The following ANKRD16 variants were observed in gnomAD, a reference collection of about 807,000 sequenced individuals.
ANKRD16 encodes the protein ankyrin repeat domain 16, also known as ankyrin repeat domain-containing protein 16.
In ANKRD16, 35 loss-of-function variants were observed where a neutral mutation model predicts 37.9. The observed-to-expected ratio is 0.92, with a 90% CI of 0.71 to 1.23. The LOEUF is 1.23. Ranked by LOEUF, ANKRD16 falls within the 50% of genes most tolerant of loss-of-function variation. The probability of loss-of-function intolerance (pLI) is 0.00; values close to 1 mark genes in which losing one functional copy is unlikely to be tolerated. For missense variants in ANKRD16, 480 were observed against 469.9 expected (o/e 1.02, Z -0.20); for synonymous variants, 206 against 197.2 (o/e 1.04, Z -0.37).
rs1284077071 is a variant in ANKRD16 at position 5,871,107 on chromosome 10, C to A, written c.*33+6990G>T. Among the ~76,000 whole-genome samples, 1 of 152,202 alleles carries A rather than the reference C, an allele frequency of 6.6e-6. No homozygotes were observed. The highest frequency in any genetic ancestry group is 1.5e-5 in the Non-Finnish European group (1 of 68,044). ...TCTCAGTAAAAATCATGTCACGCAG[C>A]CAGGCTTGGTGGTTCACGCCTGTAA... On this transcript the variant is annotated intron_variant, in intron 7 of 7. Coordinates refer to ENST00000380094, the MANE Select transcript of ANKRD16 (RefSeq NM_019046.3). This position sits in a 1 kb window ranked among gnomAD's most constrained non-coding sequence, Gnocchi z 4.5.
intron 7 of ANKRD16, among the ~76,000 whole-genome samples, chr10:5,873,444 G>A (rs576733118): frequency 1.3e-5 from 2 of 152,280 alleles, no homozygotes; most frequent in African/African-American, 4.8e-5. Context: ...AAAGTGCTGG[G>A]ATTATAGGTA....
rs111947015 is a variant in ANKRD16 at position 5,866,642 on chromosome 10, C to T, written c.*34-3951G>A. ...ACAAGGAAATCATGGAGTTATTGCA[C>T]GCAGTGCAAAAACCCAAGGAGGTGG... On this transcript the variant is annotated intron_variant, in intron 7 of 7. Transcript: ENST00000380094. This position sits in a 1 kb window ranked among gnomAD's most constrained non-coding sequence, Gnocchi z 4.3. Among the ~76,000 whole-genome samples, 3,987 of 152,206 alleles carry T rather than the reference C, an allele frequency of 0.026. 164 individuals carry two copies. The highest frequency in any genetic ancestry group is 0.09 in the African/African-American group (3,739 of 41,508).
rs1253249877 is a variant in ANKRD16 at position 5,864,309 on chromosome 10, G to A, written c.*34-1618C>T. Among the ~76,000 whole-genome samples, 1 of 151,972 alleles carries A rather than the reference G, an allele frequency of 6.6e-6. No homozygotes were observed. The highest frequency in any genetic ancestry group is 2.4e-5 in the African/African-American group (1 of 41,314). On this transcript the variant is annotated intron_variant, in intron 7 of 7. Coordinates refer to ENST00000380094, the MANE Select transcript of ANKRD16 (RefSeq NM_019046.3). This position sits in a 1 kb window ranked among gnomAD's most constrained non-coding sequence, Gnocchi z 4.4. ...ACCTCCCCTGCCCAGAAGGAAACAAGCAAAGAAATCTCCAAGGGACCACAA... is the reference window on the plus strand; with the variant it reads ...ACCTCCCCTGCCCAGAAGGAAACAAACAAAGAAATCTCCAAGGGACCACAA...
chr10:5,862,156 G>C lies in ANKRD16; in HGVS notation c.*569C>G. 4.7e-6 allele frequency: 1 copy of C among 212,534 alleles called. No individual in the cohort carries two copies. The highest frequency in any genetic ancestry group is 1.3e-4 in the East Asian group (1 of 7,978). 13.2% of individuals were successfully genotyped at this position (212,534 alleles called of 1,614,324 possible). A position where few individuals can be genotyped will look rare whatever the true frequency, so the allele number is the denominator to read the frequency against. ...CTGACCTCATGATCCTCCCGCCTCGGCCTCCCAAAGTGCTGGGATTACAGG... is the reference window on the plus strand; with the variant it reads ...CTGACCTCATGATCCTCCCGCCTCGCCCTCCCAAAGTGCTGGGATTACAGG... On this transcript the variant is annotated 3_prime_UTR_variant, in exon 8 of 8. Transcript: ENST00000380094. The surrounding 1 kb of genome is among the most constrained non-coding windows in gnomAD (Gnocchi z 6.5).
chr10:5,872,008 G>A (rs79317636), intron 7 of ANKRD16, among the ~76,000 whole-genome samples: 3,705 of 151,866 alleles, frequency 0.024, 138 homozygotes, highest in African/African-American at 0.084. Flanking sequence ...CCAACCTGCC[G>A]CCCTTGCCTC....
In ANKRD16 at chr10:5,889,383, G is replaced by A. The variant is rs1842551416; in HGVS notation, c.-29C>T. On this transcript the variant is annotated 5_prime_UTR_variant, in exon 1 of 8. Transcript: ENST00000380094. ...CGCGGGTCGGGCCGGGCTGCGCGGG[G>A]AGGCGGCGGGCGGGACACCGGCGGC... 18 of 1,188,234 alleles carry A rather than the reference G, an allele frequency of 1.5e-5. No homozygotes were observed. In the South Asian group the frequency reaches 5.0e-4, roughly 33 times the overall value. The allele number at this position is 1,188,234 out of a possible 1,614,324, so 73.6% of individuals were successfully genotyped here.
rs906481104 is a variant in ANKRD16 at position 5,878,349 on chromosome 10, T to C, written c.929-62A>G. On this transcript the variant is annotated intron_variant, in intron 6 of 7. Transcript: ENST00000380094. This position sits in a 1 kb window ranked among gnomAD's most constrained non-coding sequence, Gnocchi z 5.1. ...AATCCCTGGAGCAATACTGACCTCATGAGTTGATAGTGCCCAATAAAAATA... is the reference window on the plus strand; with the variant it reads ...AATCCCTGGAGCAATACTGACCTCACGAGTTGATAGTGCCCAATAAAAATA... 1 of 1,459,100 alleles carries C rather than the reference T, an allele frequency of 6.9e-7. No homozygotes were observed. The highest frequency in any genetic ancestry group is 9.3e-7 in the Non-Finnish European group (1 of 1,076,238). 90.4% of individuals were successfully genotyped at this position (1,459,100 alleles called of 1,614,324 possible).
At chr10:5,875,854 A>C (rs979602573) in intron 7 of ANKRD16, among the ~76,000 whole-genome samples, 3 of 151,594 alleles carry the variant, frequency 2.0e-5, no homozygotes, top group Admixed American at 2.0e-4. Context: ...CTGGGATTAC[A>C]GGCGCCTGCC....
At position 5,871,544 on chromosome 10, in the gene ANKRD16, C is replaced by G. The variant is rs763372846; in HGVS notation, c.*33+6553G>C. On this transcript the variant is annotated intron_variant, in intron 7 of 7. Transcript: ENST00000380094. The surrounding 1 kb of genome is among the most constrained non-coding windows in gnomAD (Gnocchi z 4.5). The stretch of plus-strand genomic sequence containing the variant: ...TAGGAAACGTAATAAATGTGCTCCA[C>G]AAATCCCCCACCCTCCTAGATACTG... Among the ~76,000 whole-genome samples, 1 of 152,326 alleles carries G rather than the reference C, an allele frequency of 6.6e-6. No homozygotes were observed. The highest frequency in any genetic ancestry group is 1.5e-5 in the Non-Finnish European group (1 of 68,030).
chr10:5,880,479 T>C, intron 5 of ANKRD16, 103 bp from the exon 6 acceptor site: 1 of 604,948 alleles, frequency 1.7e-6, no homozygotes, highest in Non-Finnish European at 2.7e-6. Flanking sequence ...AGAAGTTTAT[T>C]TTGCCAAGGT....
chr10:5,883,873 G>T, intron 4 of ANKRD16, 96 bp downstream of exon 4: 1 of 1,069,254 alleles, frequency 9.4e-7, no homozygotes, highest in Non-Finnish European at 1.4e-6. Context: ...GCTGGGGAAT[G>T]GAACCTGGGA....
At chr10:5,888,375 G>A (rs139579039) in intron 1 of ANKRD16, among the ~76,000 whole-genome samples, 1 of 152,332 alleles carries the variant, frequency 6.6e-6, no homozygotes, top group East Asian at 1.9e-4. Flanking sequence ...AAAACCCACA[G>A]ACAACCCTCA....
chr10:5,881,397 G>A (rs562146149), intron 5 of ANKRD16, among the ~76,000 whole-genome samples: 2 of 135,060 alleles, frequency 1.5e-5, no homozygotes, highest in East Asian at 4.6e-4. Flanking sequence ...ACAGCTAGTA[G>A]GAATTATTAT....
chr10:5,867,899 G>T (rs189164520), intron 7 of ANKRD16, among the ~76,000 whole-genome samples: 1 of 152,202 alleles, frequency 6.6e-6, no homozygotes, highest in African/African-American at 2.4e-5. Context: ...CCGAGGCTTG[G>T]ACCTCCTCAC....
At position 5,874,361 on chromosome 10, in the gene ANKRD16, G is replaced by A. The variant is rs1842153879; in HGVS notation, c.*33+3736C>T. On this transcript the variant is annotated intron_variant, in intron 7 of 7. Coordinates refer to ENST00000380094, the MANE Select transcript of ANKRD16 (RefSeq NM_019046.3). The surrounding 1 kb of genome is among the most constrained non-coding windows in gnomAD (Gnocchi z 4.7). ...GGTTAAGCCACAATTGGCAATCAAT[G>A]CCCTTGGTCACATTAGTGAGAACGC... Among the ~76,000 whole-genome samples the A allele has an allele frequency of 6.6e-6, 1 of 152,242 alleles. No homozygotes were observed. The highest frequency in any genetic ancestry group is 2.4e-5 in the African/African-American group (1 of 41,454).
chr10:5,880,149 A>C, intron 6 of ANKRD16, 149 bp downstream of exon 6: 3 of 418,518 alleles, frequency 7.2e-6, no homozygotes, highest in Middle Eastern at 7.0e-4. Flanking sequence ...AACAGAGGGA[A>C]ACTCTTGTCT....
rs575877640 is a variant in ANKRD16 at position 5,874,096 on chromosome 10, G to C, written c.*33+4001C>G. On this transcript the variant is annotated intron_variant, in intron 7 of 7. Transcript: ENST00000380094. This position sits in a 1 kb window ranked among gnomAD's most constrained non-coding sequence, Gnocchi z 4.7. Reference sequence around the variant, plus strand: ...AGTAAAGACGGGATTTCACCATGTTGGCCAGGATGGTCTCGATCTCCTGAC... The same window carrying C: ...AGTAAAGACGGGATTTCACCATGTTCGCCAGGATGGTCTCGATCTCCTGAC... 6.6e-6 allele frequency among the ~76,000 whole-genome samples: 1 copy of C among 151,786 alleles called. No individual in the cohort carries two copies. The highest frequency in any genetic ancestry group is 2.4e-5 in the African/African-American group (1 of 41,168).
chr10:5,872,616 G>T (rs1368985539), intron 7 of ANKRD16, among the ~76,000 whole-genome samples: 2 of 150,898 alleles, frequency 1.3e-5, no homozygotes, highest in African/African-American at 2.4e-5. Context: ...GAGTGCAGTG[G>T]CGCGATCTCA....
In ANKRD16 at chr10:5,871,323, G is replaced by T. The variant is rs1397599585; in HGVS notation, c.*33+6774C>A. Among the ~76,000 whole-genome samples the T allele has an allele frequency of 6.6e-6, 1 of 152,070 alleles. No homozygotes were observed. The highest frequency in any genetic ancestry group is 1.5e-5 in the Non-Finnish European group (1 of 68,032). On this transcript the variant is annotated intron_variant, in intron 7 of 7. Transcript: ENST00000380094. This position sits in a 1 kb window ranked among gnomAD's most constrained non-coding sequence, Gnocchi z 4.5. ...AATCGCTTGAACCCGGGAGGCAGAG[G>T]TTGCTGTGAGCCGAGATTGAGCCAT... is the stretch of plus-strand genomic sequence containing the variant.
Sources: allele counts gnomAD v4.1 joint callset (sites outside exome capture counted in the v4.1 genomes callset), GRCh38; gene constraint gnomAD v4.1.1; non-coding constraint Gnocchi (gnomAD v3.1); transcripts MANE v1.5; gene names NCBI Gene and HGNC (gene_info 2026-07-23, HGNC 2026-07-21).